The following SCN11A variants were observed in gnomAD, a reference collection of about 807,000 sequenced individuals.
SCN11A encodes sodium channel protein type 11 subunit alpha.
A neutral mutation model predicts 162.2 loss-of-function variants in SCN11A; 122 were observed. The observed-to-expected ratio is 0.75, with a 90% CI of 0.65 to 0.87. SCN11A has a LOEUF of 0.87. SCN11A is among the 40% of genes least tolerant of loss of function. The pLI is 0.00. For synonymous variants in SCN11A, 758 were observed against 751.5 expected, an observed-to-expected ratio of 1.01 and a Z score of -0.14; for missense variants, 2,015 against 2,181.6, an observed-to-expected ratio of 0.92 and a Z score of 1.52.
At chr3:39,035,444 A>G (rs1027286757) in intron 1 of SCN11A, among the ~76,000 whole-genome samples, 1 of 152,226 alleles carries the variant, frequency 6.6e-6, no homozygotes, top group African/African-American at 2.4e-5. Flanking sequence ...ATAAAAATCA[A>G]ATCAAAATGG....
chr3:38,917,438 G>C (rs1457884884), intron 11 of SCN11A, among the ~76,000 whole-genome samples: 3 of 152,196 alleles, frequency 2.0e-5, no homozygotes, highest in Non-Finnish European at 4.4e-5. Context: ...TGACAGACTG[G>C]ATAAAGCTAA....
rs150873083 is a variant in SCN11A, at chr3:38,875,272, T to C, written c.3394-2978A>G. Among the ~76,000 whole-genome samples the C allele has an allele frequency of 3.7e-4, 56 of 152,316 alleles. No homozygotes were observed. The East Asian group carries it at 7.5e-3, about 20-fold the overall frequency. On this transcript the variant is annotated intron_variant, in intron 23 of 29. Transcript: ENST00000302328. ...ATTATTTTCTTATTTGATTCATTTC[T>C]GTTCTATTCATTTATTATCAATATT...
intron 11 of SCN11A, 135 bp downstream of exon 11, chr3:38,919,800 A>C (rs1435943544): frequency 1.5e-6 from 1 of 682,656 alleles, no homozygotes; most frequent in Non-Finnish European, 2.6e-6. Context: ...AAGTCTAAAC[A>C]TGTTTAGACA....
chr3:38,867,470 T>A lies in SCN11A; in HGVS notation c.3814-12A>T, dbSNP rs747904828. The A allele has an allele frequency of 6.3e-7, 1 of 1,586,732 alleles. No individual in the cohort carries two copies. Among genetic ancestry groups the A allele is most frequent in the Admixed American group, 1.9e-5 (1 of 52,860 alleles). ...GGCTGTTGTTCTTTCTGTTAGAAAT[T>A]TTTTTAATAAGAGAAAAAAACAATT... is the stretch of plus-strand genomic sequence containing the variant. On this transcript the variant is annotated splice_polypyrimidine_tract_variant and intron_variant, in intron 26 of 29. Coordinates refer to ENST00000302328, the MANE Select transcript of SCN11A (RefSeq NM_001349253.2).
intron 19 of SCN11A, among the ~76,000 whole-genome samples, chr3:38,888,842 C>G (rs1385648757): frequency 6.6e-6 from 1 of 152,120 alleles, no homozygotes; most frequent in African/African-American, 2.4e-5. Context: ...TTTATGGAGG[C>G]TCCACTCTAG....
At chr3:39,048,296 A>G (rs1037352244) in intron 1 of SCN11A, among the ~76,000 whole-genome samples, 1 of 152,220 alleles carries the variant, frequency 6.6e-6, no homozygotes, top group Non-Finnish European at 1.5e-5. Flanking sequence ...GTTCTCACCA[A>G]TATGTGAAAG....
At chr3:38,887,570 AAAACTT>A (rs1375080790) in intron 19 of SCN11A, among the ~76,000 whole-genome samples, 1 of 152,196 alleles carries the variant, frequency 6.6e-6, no homozygotes, top group South Asian at 2.1e-4. Flanking sequence ...CATGTACCCT[AAAACTT>A]AAAGTATAAT....
At chr3:38,908,190 G>T (rs781300662) in intron 13 of SCN11A, 68 bp from the exon 14 acceptor site, 1 of 1,389,716 alleles carries the variant, frequency 7.2e-7, no homozygotes, top group South Asian at 1.3e-5. Context: ...AAATGACCCC[G>T]ACCTGAGAGT....
At chr3:39,003,537 G>A (rs1184324710) in intron 2 of SCN11A, among the ~76,000 whole-genome samples, 1 of 152,188 alleles carries the variant, frequency 6.6e-6, no homozygotes, top group Non-Finnish European at 1.5e-5. Context: ...ATTCCTCTGG[G>A]TCTGTACGCA....
At chr3:38,960,142 G>A (rs558954850) in intron 3 of SCN11A, among the ~76,000 whole-genome samples, 141 bp downstream of exon 3, 1 of 151,544 alleles carries the variant, frequency 6.6e-6, no homozygotes, top group African/African-American at 2.4e-5. Flanking sequence ...TCTCGTACCC[G>A]CTCTCTGCTT....
At chr3:38,963,407 T>TGG (rs2066758491) in intron 2 of SCN11A, among the ~76,000 whole-genome samples, 2 of 65,352 alleles carry the variant, frequency 3.1e-5, no homozygotes, top group Non-Finnish European at 5.2e-5. Context: ...TATATATATA[T>TGG]ATATATATAT....
Position 38,896,937 on chromosome 3 carries a change from C to T in SCN11A, c.2311G>A (p.Glu771Lys), listed in dbSNP as rs770463034. 26 of 1,613,530 alleles carry T rather than the reference C, an allele frequency of 1.6e-5. No homozygotes were observed. Among genetic ancestry groups the T allele is most frequent in the South Asian group, 2.2e-5 (2 of 91,066 alleles). Residue 771 changes from glutamate (E) to lysine (K), a missense_variant, in exon 18 of 30, where the codon GAA (glutamate) becomes AAA (lysine). By Grantham distance (56) the Glu-to-Lys change is moderately conservative. Coordinates refer to ENST00000302328, the MANE Select transcript of SCN11A (RefSeq NM_001349253.2). Reference protein sequence around the residue: ...VFRILCGEWIENMWECMQEAN... With the variant: ...VFRILCGEWIKNMWECMQEAN... ...TCTTGCATACATTCCCACATATTTT[C>T]GATCCATTCCCCGCAGAGGATGCGG...
chr3:38,877,142 ATG>A (rs2065228540), intron 23 of SCN11A, among the ~76,000 whole-genome samples: 1 of 102,520 alleles, frequency 9.8e-6, no homozygotes, highest in African/African-American at 4.1e-5. Context: ...TACTATATAT[ATG>A]GTATATATAT....
intron 2 of SCN11A, among the ~76,000 whole-genome samples, chr3:39,029,565 G>GCAAAAA (rs2031691138): frequency 6.6e-6 from 1 of 152,152 alleles, no homozygotes; most frequent in Non-Finnish European, 1.5e-5. Flanking sequence ...GATGGTTCAA[G>GCAAAAA]GCAAACGTAG....
intron 2 of SCN11A, among the ~76,000 whole-genome samples, chr3:38,989,505 A>G (rs1402455466): frequency 6.6e-6 from 1 of 151,420 alleles, no homozygotes; most frequent in Non-Finnish European, 1.5e-5. Flanking sequence ...TAAATTTCAC[A>G]TGACTTACTC....
Position 38,886,200 on chromosome 3 carries a change from G to A in SCN11A, c.2874C>T (p.Ser958=), listed in dbSNP as rs762918876. 1 of 1,612,712 alleles carries A rather than the reference G, an allele frequency of 6.2e-7. No homozygotes were observed. The highest frequency in any genetic ancestry group is 1.3e-5 in the African/African-American group (1 of 74,862). ...CAATTTCCACACTTTGAACTCTCTG[G>A]CTCGTGGGCTTCTTGTTCTCCTGAT... The part of the protein sequence containing the change: ...ELHQENKKPT[S]QRVQSVEIDM... The change falls in exon 20 of 30, where the codon AGC becomes AGT. Residue 958 remains serine (S), a synonymous_variant. Coordinates refer to ENST00000302328, the MANE Select transcript of SCN11A (RefSeq NM_001349253.2).
intron 25 of SCN11A, 92 bp downstream of exon 25, chr3:38,871,353 T>G: frequency 2.4e-6 from 3 of 1,250,412 alleles, no homozygotes; most frequent in East Asian, 2.4e-5. Flanking sequence ...ATTATCACAA[T>G]GGAGTCACTG....
chr3:38,874,332 T>G (rs983547926), intron 23 of SCN11A, among the ~76,000 whole-genome samples: 6 of 152,164 alleles, frequency 3.9e-5, no homozygotes, highest in Non-Finnish European at 7.3e-5. Context: ...GCACAGTCGC[T>G]CAAGCCTGTA....
intron 7 of SCN11A, among the ~76,000 whole-genome samples, chr3:38,935,818 T>C (rs541344847): frequency 1.3e-5 from 2 of 152,314 alleles, no homozygotes; most frequent in African/African-American, 4.8e-5. Context: ...CCATTCCTTC[T>C]GAACTATTCC....
Sources: allele counts gnomAD v4.1 joint callset (sites outside exome capture counted in the v4.1 genomes callset), GRCh38; gene constraint gnomAD v4.1.1; transcripts MANE v1.5; gene names NCBI Gene and HGNC (gene_info 2026-07-23, HGNC 2026-07-21).